PIBF1: variants seen among roughly 807,000 people sequenced by gnomAD.
PIBF1 encodes progesterone-induced-blocking factor 1.
Under a neutral mutation model 112.5 loss-of-function variants are expected in PIBF1, and 90 were observed. The observed-to-expected ratio is 0.80, with a 90% confidence interval of 0.67 to 0.95. PIBF1 has a LOEUF of 0.95. PIBF1 is among the 40% of genes least tolerant of loss of function. The probability of loss-of-function intolerance (pLI) is 0.00; values close to 1 mark genes in which losing one functional copy is unlikely to be tolerated. For missense variants in PIBF1, 915 were observed against 852.3 expected (o/e 1.07, Z -0.92); for synonymous variants, 301 against 288.6 (o/e 1.04, Z -0.44).
chr13:72,806,939 C>T (rs1416169796), intron 5 of PIBF1, among the ~76,000 whole-genome samples: 2 of 150,764 alleles, frequency 1.3e-5, no homozygotes, highest in Non-Finnish European at 2.9e-5. Context: ...AATCACCACA[C>T]TGTCTTCCAC....
chr13:72,902,006 A>ATGTGTGTGTGTGTGTGTG (rs137877705), intron 11 of PIBF1, among the ~76,000 whole-genome samples: 11,930 of 147,842 alleles, frequency 0.081, 1,524 homozygotes, highest in African/African-American at 0.27. Context: ...GTGTATGTAT[A>ATGTGTGTGTGTGTGTGTG]TGTGTGTGTG....
At chr13:72,882,945 G>A (rs1284035786) in intron 10 of PIBF1, among the ~76,000 whole-genome samples, 1 of 152,150 alleles carries the variant, frequency 6.6e-6, no homozygotes, top group Non-Finnish European at 1.5e-5. Context: ...CTTGATCAAT[G>A]ATTGCTGGAT....
chr13:72,865,620 T>C (rs1207680098), intron 10 of PIBF1, among the ~76,000 whole-genome samples: 1 of 152,232 alleles, frequency 6.6e-6, no homozygotes, highest in African/African-American at 2.4e-5. Flanking sequence ...TGCTTCAAGA[T>C]GATTGCAAGC....
chr13:73,015,769 G>T, intron 17 of PIBF1, 100 bp from the exon 18 acceptor site: 2 of 489,912 alleles, frequency 4.1e-6, no homozygotes, highest in East Asian at 3.6e-5. Flanking sequence ...TTTTAGTATA[G>T]CTTACATAAA....
chr13:72,996,097 G>GGC (rs1555331059), intron 16 of PIBF1, among the ~76,000 whole-genome samples: 2 of 112,656 alleles, frequency 1.8e-5, no homozygotes, highest in Non-Finnish European at 3.6e-5. Context: ...CGGGGGGGGG[G>GGC]GGTCATAAAC....
In PIBF1 at chr13:72,796,655, T is replaced by G. The variant is rs200665649; in HGVS notation, c.552+1098T>G. On this transcript the variant is annotated intron_variant, in intron 4 of 17. Transcript: ENST00000326291. The stretch of plus-strand genomic sequence containing the variant: ...GTTACTTTTTTGTTCAGCTGTTTTT[T>G]TTTTTTTTTTAAAAGGCTCAAATAC... Among the ~76,000 whole-genome samples, 26 of 151,982 alleles carry G rather than the reference T, an allele frequency of 1.7e-4. 1 individual carries two copies. The East Asian group carries it at 3.5e-3, about 20-fold the overall frequency.
At chr13:72,808,882 A>T (rs917320988) in intron 5 of PIBF1, among the ~76,000 whole-genome samples, 1 of 152,222 alleles carries the variant, frequency 6.6e-6, no homozygotes, top group Non-Finnish European at 1.5e-5. Context: ...GCTGAAAATG[A>T]TAGCAATAAT....
intron 11 of PIBF1, among the ~76,000 whole-genome samples, chr13:72,895,622 A>T (rs2040251406): frequency 6.6e-6 from 1 of 152,056 alleles, no homozygotes; most frequent in Non-Finnish European, 1.5e-5. Flanking sequence ...TGTTGTTTTT[A>T]AAATGCTGGC....
chr13:72,889,719 A>G (rs1275455869), intron 10 of PIBF1, among the ~76,000 whole-genome samples: 1 of 152,138 alleles, frequency 6.6e-6, no homozygotes, highest in Non-Finnish European at 1.5e-5. Context: ...GCTTTGCCTC[A>G]GCTGCTGCAC....
intron 4 of PIBF1, among the ~76,000 whole-genome samples, chr13:72,796,032 C>A (rs2035174854): frequency 6.6e-6 from 1 of 152,172 alleles, no homozygotes; most frequent in Non-Finnish European, 1.5e-5. Context: ...TGTCAGCATT[C>A]ATTTACATTC....
At chr13:72,960,826 C>T (rs946111043) in intron 14 of PIBF1, among the ~76,000 whole-genome samples, 1 of 151,980 alleles carries the variant, frequency 6.6e-6, no homozygotes, top group African/African-American at 2.4e-5. Context: ...TTTGAATGTT[C>T]ATAAAGTAAC....
At chr13:72,908,850 ACCAGCCTGG>A (rs139209956) in intron 12 of PIBF1, among the ~76,000 whole-genome samples, 169 bp downstream of exon 12, 15,518 of 151,886 alleles carry the variant, frequency 0.1, 1,068 homozygotes, top group Non-Finnish European at 0.15. Flanking sequence ...GGAGTTCGAG[ACCAGCCTGG>A]CCAACGTGAC....
chr13:72,909,395 C>A (rs1176914090), intron 12 of PIBF1, among the ~76,000 whole-genome samples: 5 of 151,928 alleles, frequency 3.3e-5, no homozygotes, highest in Non-Finnish European at 5.9e-5. Flanking sequence ...ATATGCAGTT[C>A]TCAGTGGAAA....
At chr13:72,816,775 G>C (rs1007439212) in intron 5 of PIBF1, among the ~76,000 whole-genome samples, 1 of 150,530 alleles carries the variant, frequency 6.6e-6, no homozygotes, top group Non-Finnish European at 1.5e-5. Flanking sequence ...GCATGTAATA[G>C]AAATTATTAA....
intron 17 of PIBF1, among the ~76,000 whole-genome samples, chr13:73,008,019 G>A (rs1350037797): frequency 6.6e-6 from 1 of 152,088 alleles, no homozygotes; most frequent in Non-Finnish European, 1.5e-5. Flanking sequence ...ATGAAAATCA[G>A]AAATAAACTT....
In PIBF1 at chr13:72,854,080, A is replaced by C. The variant is rs1392888390; in HGVS notation, c.1247A>C (p.Asn416Thr). ...ENRNLREARDNAVAEKERAVM... is the reference protein window; with the variant it reads ...ENRNLREARDTAVAEKERAVM... ...AGAAATCTCCGAGAAGCAAGGGATAATGCTGTGGCTGAAAAGGAACGAGCA... is the reference window on the plus strand; with the variant it reads ...AGAAATCTCCGAGAAGCAAGGGATACTGCTGTGGCTGAAAAGGAACGAGCA... The change falls in exon 10 of 18, where the codon AAT becomes ACT. Residue 416 changes from asparagine to threonine, a missense_variant. Asn to Thr is a moderately conservative substitution (Grantham distance 65). Transcript: ENST00000326291. 1 of 1,612,856 alleles carries C rather than the reference A, an allele frequency of 6.2e-7. No individual in the cohort carries two copies. Among genetic ancestry groups the C allele is most frequent in the East Asian group, 2.2e-5 (1 of 44,854 alleles).
At chr13:72,933,008 A>G (rs1009047077) in intron 14 of PIBF1, among the ~76,000 whole-genome samples, 1 of 152,172 alleles carries the variant, frequency 6.6e-6, no homozygotes, top group Non-Finnish European at 1.5e-5. Flanking sequence ...ACATTCATGT[A>G]CAAGTCTTTG....
At chr13:73,014,958 G>A (rs142688569) in intron 17 of PIBF1, among the ~76,000 whole-genome samples, 1,534 of 151,942 alleles carry the variant, frequency 0.01, 21 homozygotes, top group African/African-American at 0.033. Context: ...CTAATTTTTT[G>A]TATTTTTAGT....
At chr13:72,807,025 T>C (rs9543127) in intron 5 of PIBF1, among the ~76,000 whole-genome samples, 16,613 of 151,688 alleles carry the variant, frequency 0.11, 1,251 homozygotes, top group Non-Finnish European at 0.17. Context: ...AATATTCCAT[T>C]GTGTGTATAT....
Sources: allele counts gnomAD v4.1 joint callset (sites outside exome capture counted in the v4.1 genomes callset), GRCh38; gene constraint gnomAD v4.1.1; transcripts MANE v1.5; gene names NCBI Gene and HGNC (gene_info 2026-07-23, HGNC 2026-07-21).